Variants in LRBA observed in about 807,000 individuals in gnomAD.
The protein encoded by LRBA is lipopolysaccharide-responsive and beige-like anchor protein.
In LRBA, 176 loss-of-function variants were observed where a neutral mutation model predicts 330.0. The ratio of observed to expected loss-of-function variants is 0.53; its 90% CI spans 0.47 to 0.60. The LOEUF is 0.60. LRBA is among the 20% of genes least tolerant of loss of function. LRBA has a pLI of 0.00. For synonymous variants in LRBA, 1,230 were observed against 1,193.0 expected (o/e 1.03, Z -0.64); for missense variants, 3,259 against 3,444.8 (o/e 0.95, Z 1.35).
intron 36 of LRBA, among the ~76,000 whole-genome samples, chr4:150,719,224 G>A (rs1423041277): frequency 3.3e-5 from 5 of 151,630 alleles, no homozygotes; most frequent in East Asian, 1.9e-4. Context: ...CACCTTCCTC[G>A]TTCTCTCTCA....
At chr4:150,444,719 A>C (rs1342997085) in intron 44 of LRBA, among the ~76,000 whole-genome samples, 1 of 152,204 alleles carries the variant, frequency 6.6e-6, no homozygotes, top group African/African-American at 2.4e-5. Flanking sequence ...TCTTCTTACA[A>C]GTGGCATTAA....
intron 2 of LRBA, among the ~76,000 whole-genome samples, chr4:150,995,906 T>G (rs1322170280): frequency 6.6e-6 from 1 of 152,050 alleles, no homozygotes; most frequent in Non-Finnish European, 1.5e-5. Flanking sequence ...GGATCTCAAG[T>G]AGGTTCAGAA....
chr4:150,267,504 T>G (rs1326062997), intron 56 of LRBA, among the ~76,000 whole-genome samples: 1 of 151,862 alleles, frequency 6.6e-6, no homozygotes, highest in Non-Finnish European at 1.5e-5. Flanking sequence ...AAGCCAAAAC[T>G]TATGAAATGC....
chr4:150,801,592 AC>A (rs1282461732), intron 33 of LRBA, among the ~76,000 whole-genome samples: 45 of 152,302 alleles, frequency 3.0e-4, no homozygotes, highest in African/African-American at 1.0e-3. Context: ...GCATTTATCT[AC>A]TTAGAAACTG....
chr4:150,509,799 C>T (rs1244768958), intron 40 of LRBA, among the ~76,000 whole-genome samples: 2 of 152,042 alleles, frequency 1.3e-5, no homozygotes, highest in Non-Finnish European at 2.9e-5. Flanking sequence ...ATATCATAAA[C>T]AAATAGTTTG....
At chr4:150,786,458 G>A (rs528949655) in intron 34 of LRBA, among the ~76,000 whole-genome samples, 13 of 152,036 alleles carry the variant, frequency 8.6e-5, no homozygotes, top group Middle Eastern at 3.4e-3. Flanking sequence ...TGTCCAGGCT[G>A]GTCTCAAACT....
chr4:150,310,486 T>A (rs1730919802), intron 51 of LRBA, 102 bp from the exon 52 acceptor site: 1 of 688,246 alleles, frequency 1.5e-6, no homozygotes, highest in Non-Finnish European at 2.4e-6. Context: ...GAGTACTTGA[T>A]CCTTAATTCT....
chr4:150,990,939 T>C (rs1185428098), intron 2 of LRBA, among the ~76,000 whole-genome samples: 3 of 151,452 alleles, frequency 2.0e-5, no homozygotes, highest in Admixed American at 6.6e-5. Flanking sequence ...AAGAATCACT[T>C]GAACCAGGGA....
chr4:150,818,818 A>G (rs2126774070), intron 30 of LRBA, among the ~76,000 whole-genome samples: 1 of 152,180 alleles, frequency 6.6e-6, no homozygotes, highest in East Asian at 1.9e-4. Flanking sequence ...TGAGCAATAG[A>G]AAAGAATACT....
At chr4:150,801,215 G>A (rs2198192) in intron 33 of LRBA, among the ~76,000 whole-genome samples, 126,691 of 152,080 alleles carry the variant, frequency 0.83, 53,998 homozygotes, top group Non-Finnish European at 0.94. Context: ...TATTTTCCTG[G>A]TTTTGAAGGT....
chr4:150,701,175 C>G (rs970224401), intron 36 of LRBA, among the ~76,000 whole-genome samples: 4 of 152,202 alleles, frequency 2.6e-5, no homozygotes, highest in Admixed American at 2.6e-4. Flanking sequence ...CCTTCCACCT[C>G]TACATCTTGT....
At chr4:150,671,977 C>CA (rs1782103206) in intron 37 of LRBA, among the ~76,000 whole-genome samples, 1 of 152,128 alleles carries the variant, frequency 6.6e-6, no homozygotes, top group Non-Finnish European at 1.5e-5. Flanking sequence ...AGGATAGAGA[C>CA]AACAAGGTGT....
intron 2 of LRBA, among the ~76,000 whole-genome samples, chr4:150,952,914 T>C (rs1281528901): frequency 6.6e-6 from 1 of 152,154 alleles, no homozygotes; most frequent in Admixed American, 6.5e-5. Context: ...TCACTTACAA[T>C]TATTTTGCTT....
intron 36 of LRBA, among the ~76,000 whole-genome samples, chr4:150,733,598 AC>A (rs1730795074): frequency 7.2e-6 from 1 of 138,406 alleles, no homozygotes; most frequent in Non-Finnish European, 1.6e-5. Flanking sequence ...ACACACACAC[AC>A]CTCAAGACCC....
At chr4:150,777,004 A>G (rs561612046) in intron 34 of LRBA, among the ~76,000 whole-genome samples, 1 of 152,306 alleles carries the variant, frequency 6.6e-6, no homozygotes, top group Non-Finnish European at 1.5e-5. Flanking sequence ...TGAAAATACA[A>G]AAGTATTATA....
chr4:150,518,804 T>C (rs1174098062), intron 40 of LRBA, among the ~76,000 whole-genome samples: 1 of 152,144 alleles, frequency 6.6e-6, no homozygotes, highest in Non-Finnish European at 1.5e-5. Context: ...TCTGTTAACA[T>C]CTCAGAGTTC....
At position 150,797,989 on chromosome 4, in the gene LRBA, A is replaced by ATCTGTAT. The variant is rs1333034399; in HGVS notation, c.5580+91_5580+92insATACAGA. 6.2e-6 allele frequency: 5 copies of ATCTGTAT among 808,196 alleles called. No individual in the cohort carries two copies. In the Admixed American group the frequency reaches 1.1e-4, roughly 18 times the overall value. 50.1% of individuals were successfully genotyped at this position (808,196 alleles called of 1,614,324 possible). A position where few individuals can be genotyped will look rare whatever the true frequency, so the allele number is the denominator to read the frequency against. On this transcript the variant is annotated intron_variant, in intron 34 of 56. Transcript: ENST00000651943. Reference sequence around the variant, plus strand: ...AGCAAACTCACAATTTTATTATACCAAAAATTTCAGTAATGCAAATATAAA... The same window carrying ATCTGTAT: ...AGCAAACTCACAATTTTATTATACCATCTGTATAAAATTTCAGTAATGCAAATATAAA...
intron 51 of LRBA, chr4:150,310,613 A>T: frequency 2.4e-6 from 1 of 409,882 alleles, no homozygotes; most frequent in Non-Finnish European, 4.4e-6. Context: ...AGAATAACAC[A>T]CTACTATTTA....
In LRBA at chr4:150,493,873, T is replaced by C. The variant is rs189511860; in HGVS notation, c.6331-2838A>G. On this transcript the variant is annotated intron_variant, in intron 40 of 56. Coordinates refer to ENST00000651943, the MANE Select transcript of LRBA (RefSeq NM_001364905.1). ...ATTGCTGAGCTTTGGGAGGCCAAGA[T>C]GGGAGGACTGCTTGATGCCAGGCAA... Among the ~76,000 whole-genome samples, 287 of 152,204 alleles carry C rather than the reference T, an allele frequency of 1.9e-3. 4 individuals are homozygous for C. The highest frequency in any genetic ancestry group is 6.7e-3 in the African/African-American group (278 of 41,540).
Sources: gnomAD v4.1 joint callset for allele counts (sites outside exome capture counted in the v4.1 genomes callset) on GRCh38, gnomAD v4.1.1 for gene constraint, MANE v1.5 for transcripts, NCBI Gene and HGNC (gene_info 2026-07-23, HGNC 2026-07-21) for gene names.